NBAS: variants seen among roughly 807,000 people sequenced by gnomAD.
NBAS encodes NAG/BC035112 fusion.
In NBAS, 219 loss-of-function variants were observed where a neutral mutation model predicts 302.5. The observed-to-expected ratio is 0.72, with a 90% CI of 0.65 to 0.81. The LOEUF (loss-of-function observed/expected upper bound fraction) is 0.81, where lower values mean the gene tolerates loss of function less well. Among genes scored for constraint, NBAS ranks in the 30% least tolerant of loss-of-function variants. NBAS has a pLI of 0.00. For synonymous variants in NBAS, 1,118 were observed against 1,021.6 expected (o/e 1.09, Z -1.80); for missense variants, 2,932 against 2,841.6 (o/e 1.03, Z -0.72).
intron 7 of NBAS, 85 bp downstream of exon 7, chr2:15,539,138 C>T: frequency 1.3e-6 from 2 of 1,526,678 alleles, no homozygotes; most frequent in Admixed American, 1.7e-5. Context: ...TTTGTATTAT[C>T]CCCCCCTTCA....
intron 48 of NBAS, among the ~76,000 whole-genome samples, chr2:15,207,062 G>A (rs1490972108): frequency 6.6e-6 from 1 of 152,166 alleles, no homozygotes; most frequent in African/African-American, 2.4e-5. Context: ...ACCTGAAAAA[G>A]CCATAGGCAA....
At chr2:15,075,697 C>T in the NBAS span, among the ~76,000 whole-genome samples, 1 of 151,934 alleles carries the variant, frequency 6.6e-6, no homozygotes, top group Non-Finnish European at 1.5e-5. Flanking sequence ...CATTTGTTTC[C>T]TATTGGGATC....
At chr2:14,888,109 G>GA in the NBAS span, among the ~76,000 whole-genome samples, 1 of 151,824 alleles carries the variant, frequency 6.6e-6, no homozygotes, top group Non-Finnish European at 1.5e-5. Flanking sequence ...TGACTGAGAA[G>GA]AACGTTTTAT....
chr2:15,390,442 G>A (rs1675535134), intron 28 of NBAS, among the ~76,000 whole-genome samples: 2 of 152,152 alleles, frequency 1.3e-5, no homozygotes, highest in Non-Finnish European at 2.9e-5. Flanking sequence ...ACTATAAAGG[G>A]TTGGAGGGGA....
intron 5 of NBAS, among the ~76,000 whole-genome samples, chr2:15,552,639 C>G (rs1039538912): frequency 1.3e-5 from 2 of 152,094 alleles, no homozygotes; most frequent in Non-Finnish European, 2.9e-5. Flanking sequence ...CCTGAAAAGT[C>G]CAGCTTAGAG....
the NBAS span, among the ~76,000 whole-genome samples, chr2:14,923,038 G>T: frequency 6.6e-6 from 1 of 152,170 alleles, no homozygotes; most frequent in East Asian, 1.9e-4. Context: ...TGTAGTCCCA[G>T]CTACTCTGGA....
rs746111164 is a variant in NBAS at position 15,379,679 on chromosome 2, A to G, written c.3513T>C (p.Ile1171=). Residue 1171 remains isoleucine, a synonymous_variant, in exon 30 of 52, where the codon ATT becomes ATC. Transcript: ENST00000281513. Reference sequence around the variant, plus strand: ...CTCTGCTGGCAGCCAAAACCAAGTCAATACTCTTTTCGTAGCTGACCCTGT... The same window carrying G: ...CTCTGCTGGCAGCCAAAACCAAGTCGATACTCTTTTCGTAGCTGACCCTGT... The part of the protein sequence containing the change: ...PHYRVSYEKS[I]DLVLAASREY... 6.2e-7 allele frequency: 1 copy of G among 1,614,030 alleles called. No homozygotes were observed. Among genetic ancestry groups the G allele is most frequent in the Non-Finnish European group, 8.5e-7 (1 of 1,179,984 alleles).
At chr2:15,149,717 C>G in the NBAS span, among the ~76,000 whole-genome samples, 1 of 152,154 alleles carries the variant, frequency 6.6e-6, no homozygotes, top group Non-Finnish European at 1.5e-5. Context: ...CTACCTCAGC[C>G]TCCTATAGTG....
chr2:14,957,832 C>T, the NBAS span, among the ~76,000 whole-genome samples: 16 of 152,378 alleles, frequency 1.1e-4, no homozygotes, highest in African/African-American at 3.8e-4. Flanking sequence ...TGAGTGCCAA[C>T]TCAGTCCGAG....
chr2:15,453,985 G>C (rs1184827196), intron 21 of NBAS, among the ~76,000 whole-genome samples: 1 of 151,960 alleles, frequency 6.6e-6, no homozygotes, highest in Non-Finnish European at 1.5e-5. Context: ...CACCATGTTG[G>C]CCAGGATGGT....
At chr2:15,107,743 T>C in the NBAS span, among the ~76,000 whole-genome samples, 3 of 152,150 alleles carry the variant, frequency 2.0e-5, no homozygotes, top group African/African-American at 7.2e-5. Flanking sequence ...TTTGTGAATG[T>C]TGACCAACGT....
intron 12 of NBAS, among the ~76,000 whole-genome samples, chr2:15,487,549 C>G (rs1680684464): frequency 6.6e-6 from 1 of 152,186 alleles, no homozygotes; most frequent in Non-Finnish European, 1.5e-5. Context: ...CCATGCAGTT[C>G]AAACCCATGT....
intron 21 of NBAS, among the ~76,000 whole-genome samples, chr2:15,457,254 G>T (rs552856503): frequency 6.6e-6 from 1 of 152,270 alleles, no homozygotes; most frequent in East Asian, 1.9e-4. Flanking sequence ...GTCACTAATT[G>T]ACTTGAAATC....
chr2:15,130,875 A>T, the NBAS span, among the ~76,000 whole-genome samples: 1 of 152,212 alleles, frequency 6.6e-6, no homozygotes, highest in Non-Finnish European at 1.5e-5. Context: ...CCACAGTGGT[A>T]CGTGTCTCCA....
Position 15,328,309 on chromosome 2 carries a change from G to A in NBAS, c.4351C>T (p.Gln1451Ter). The A allele has an allele frequency of 6.2e-7, 1 of 1,612,998 alleles. No homozygotes were observed. Among genetic ancestry groups the A allele is most frequent in the Non-Finnish European group, 8.5e-7 (1 of 1,179,458 alleles). ...ATTTGATATGCACCACCACATTTTTGCCCCTAAAAAGAAAAAAAGTACAGA... is the reference window on the plus strand; with the variant it reads ...ATTTGATATGCACCACCACATTTTTACCCCTAAAAAGAAAAAAAGTACAGA... Reference protein sequence around the residue: ...SLTYLRPLQGQKCGGAYQIGT... With the variant: ...SLTYLRPLQG The change falls in exon 37 of 52, where the codon CAA (glutamine) becomes TAA (stop). Residue 1451 changes from glutamine to a stop codon, truncating the protein, a stop_gained. Coordinates refer to ENST00000281513, the MANE Select transcript of NBAS (RefSeq NM_015909.4). LOFTEE classifies it high-confidence loss of function.
chr2:15,352,562 G>A (rs13420107), intron 34 of NBAS, among the ~76,000 whole-genome samples: 8,016 of 152,208 alleles, frequency 0.053, 576 homozygotes, highest in African/African-American at 0.16. Flanking sequence ...ATCCTGGCAC[G>A]TTGCCAGGTT....
intron 9 of NBAS, among the ~76,000 whole-genome samples, chr2:15,531,606 GGCCCT>G (rs1231552141): frequency 1.3e-5 from 2 of 152,258 alleles, no homozygotes; most frequent in East Asian, 3.9e-4. Flanking sequence ...TAGCATACGA[GGCCCT>G]GCATGATTCA....
chr2:14,832,993 G>A, the NBAS span, among the ~76,000 whole-genome samples: 1 of 152,130 alleles, frequency 6.6e-6, no homozygotes, highest in Non-Finnish European at 1.5e-5. Flanking sequence ...TATTCAGAAG[G>A]TTGCCCAAGG....
At chr2:15,089,756 T>C in the NBAS span, among the ~76,000 whole-genome samples, 90 of 144,394 alleles carry the variant, frequency 6.2e-4, 1 homozygote, top group Admixed American at 1.4e-3. Flanking sequence ...TTTTTTTTTT[T>C]TTTTTTTTTT....
Sources: gnomAD v4.1 joint callset for allele counts (sites outside exome capture counted in the v4.1 genomes callset) on GRCh38, gnomAD v4.1.1 for gene constraint, MANE v1.5 for transcripts, NCBI Gene and HGNC (gene_info 2026-07-23, HGNC 2026-07-21) for gene names.